The following ENTREP2 variants were observed in gnomAD, a reference collection of about 807,000 sequenced individuals.
The protein encoded by ENTREP2 is endosomal transmembrane epsin interactor 2.
At chr15:29,645,365 C>T in the ENTREP2 span, among the ~76,000 whole-genome samples, 1 of 152,086 alleles carries the variant, frequency 6.6e-6, no homozygotes. Flanking sequence ...AAGGCAAAAG[C>T]ATTTTGAAAA....
At chr15:29,603,561 T>A in the ENTREP2 span, among the ~76,000 whole-genome samples, 1 of 152,116 alleles carries the variant, frequency 6.6e-6, no homozygotes, top group Non-Finnish European at 1.5e-5. Flanking sequence ...GAGAGAACCC[T>A]GGGAAGCACT....
the ENTREP2 span, among the ~76,000 whole-genome samples, chr15:29,587,980 T>A: frequency 6.6e-6 from 1 of 152,194 alleles, no homozygotes; most frequent in African/African-American, 2.4e-5. Context: ...TTTGTAATAA[T>A]ACTGCAAACA....
the ENTREP2 span, among the ~76,000 whole-genome samples, chr15:29,176,265 C>A: frequency 1.3e-5 from 2 of 152,228 alleles, no homozygotes; most frequent in South Asian, 4.1e-4. Flanking sequence ...AGAGCCGTGG[C>A]ACATAGGGGA....
At chr15:29,457,610 C>T in the ENTREP2 span, among the ~76,000 whole-genome samples, 1 of 152,202 alleles carries the variant, frequency 6.6e-6, no homozygotes, top group Admixed American at 6.5e-5. Flanking sequence ...CTGGCACCCG[C>T]TGCCAGGGCC....
chr15:29,465,729 G>A, the ENTREP2 span, among the ~76,000 whole-genome samples: 3 of 152,138 alleles, frequency 2.0e-5, no homozygotes, highest in Admixed American at 1.3e-4. Context: ...AGTTCTTTGG[G>A]ATGACAGTTA....
the ENTREP2 span, among the ~76,000 whole-genome samples, chr15:29,311,456 G>T: frequency 6.6e-6 from 1 of 152,156 alleles, no homozygotes. Context: ...TTGGGAGGGC[G>T]AGGTGGGCGG....
the ENTREP2 span, among the ~76,000 whole-genome samples, chr15:29,497,998 T>C: frequency 6.6e-6 from 1 of 152,196 alleles, no homozygotes; most frequent in Non-Finnish European, 1.5e-5. Context: ...TTATCTCAAA[T>C]TGTAATCCCC....
the ENTREP2 span, among the ~76,000 whole-genome samples, chr15:29,414,007 T>G: frequency 2.6e-5 from 4 of 152,030 alleles, no homozygotes; most frequent in East Asian, 5.8e-4. Context: ...AGCAAGTCCT[T>G]AGTGACCTAC....
the ENTREP2 span, among the ~76,000 whole-genome samples, chr15:29,165,903 A>G: frequency 6.6e-6 from 1 of 152,212 alleles, no homozygotes; most frequent in African/African-American, 2.4e-5. Flanking sequence ...CTTGATGAAC[A>G]TAGATGCCAA....
At chr15:29,174,105 T>C in the ENTREP2 span, among the ~76,000 whole-genome samples, 3 of 152,256 alleles carry the variant, frequency 2.0e-5, no homozygotes, top group African/African-American at 7.2e-5. Flanking sequence ...GTACTTGTTA[T>C]GATTGCAAAT....
chr15:29,384,815 A>T, the ENTREP2 span, among the ~76,000 whole-genome samples: 1 of 152,030 alleles, frequency 6.6e-6, no homozygotes, highest in Non-Finnish European at 1.5e-5. Flanking sequence ...TGAGGGCCAC[A>T]TTCCGGGGCT....
chr15:29,232,675 G>C, the ENTREP2 span, among the ~76,000 whole-genome samples: 2 of 151,076 alleles, frequency 1.3e-5, no homozygotes. Flanking sequence ...TTGTTTGTTT[G>C]TTTGTTTGTT....
the ENTREP2 span, chr15:29,269,462 G>C: frequency 6.2e-7 from 1 of 1,613,292 alleles, no homozygotes; most frequent in African/African-American, 1.3e-5. Context: ...AGCTGCTTCT[G>C]GCTCCTGGGC....
At chr15:29,631,892 C>T in the ENTREP2 span, among the ~76,000 whole-genome samples, 1 of 152,216 alleles carries the variant, frequency 6.6e-6, no homozygotes, top group Admixed American at 6.5e-5. Flanking sequence ...CTGATGGCAC[C>T]AGCCCAGGCT....
At chr15:29,509,925 C>T in the ENTREP2 span, among the ~76,000 whole-genome samples, 7 of 152,148 alleles carry the variant, frequency 4.6e-5, no homozygotes, top group African/African-American at 7.2e-5. Context: ...AACTAAAGAG[C>T]TTCTGCACAG....
At chr15:29,559,829 T>G in the ENTREP2 span, among the ~76,000 whole-genome samples, 287 of 152,328 alleles carry the variant, frequency 1.9e-3, no homozygotes, top group Middle Eastern at 0.01. Context: ...CTTTTTGCCA[T>G]GTGAGACACA....
At chr15:29,556,769 C>CG in the ENTREP2 span, among the ~76,000 whole-genome samples, 13 of 103,986 alleles carry the variant, frequency 1.3e-4, 1 homozygote, top group Admixed American at 3.1e-4. Flanking sequence ...GGTGCCCCCC[C>CG]CCCGCCCCAC....
chr15:29,278,161 G>C, the ENTREP2 span, among the ~76,000 whole-genome samples: 1 of 136,994 alleles, frequency 7.3e-6, no homozygotes, highest in East Asian at 2.6e-4. Flanking sequence ...AATAACCACA[G>C]CAAGCATGCT....
the ENTREP2 span, among the ~76,000 whole-genome samples, chr15:29,480,794 G>A: frequency 1.3e-5 from 2 of 152,302 alleles, no homozygotes; most frequent in Non-Finnish European, 2.9e-5. Context: ...GAAGGTGTGA[G>A]TGGGACCCAG....
Sources: allele counts gnomAD v4.1 joint callset (sites outside exome capture counted in the v4.1 genomes callset), GRCh38; gene constraint gnomAD v4.1.1; transcripts MANE v1.5; gene names NCBI Gene and HGNC (gene_info 2026-07-23, HGNC 2026-07-21).